The following CATSPERE variants were observed in gnomAD, a reference collection of about 807,000 sequenced individuals.
CATSPERE encodes the protein catsper channel auxiliary subunit epsilon, also known as cation channel sperm-associated auxiliary subunit epsilon.
Under a neutral mutation model 114.1 loss-of-function variants are expected in CATSPERE, and 93 were observed. The ratio of observed to expected loss-of-function variants is 0.81; its 90% CI spans 0.69 to 0.97. The LOEUF is 0.97. Ranked by LOEUF, CATSPERE falls within the 50% of genes least tolerant of loss-of-function variation. The pLI, the probability that CATSPERE is intolerant of heterozygous loss-of-function variation, is 0.00. For synonymous variants in CATSPERE, 341 were observed against 384.1 expected, an observed-to-expected ratio of 0.89 and a Z score of 1.31; for missense variants, 1,058 against 1,131.6, an observed-to-expected ratio of 0.93 and a Z score of 0.93.
intron 1 of CATSPERE, among the ~76,000 whole-genome samples, chr1:244,454,822 G>A (rs891499663): frequency 6.6e-5 from 10 of 152,208 alleles, no homozygotes; most frequent in Admixed American, 3.3e-4. Context: ...AGGATAGAAC[G>A]TGGGTTTAGG....
intron 10 of CATSPERE, among the ~76,000 whole-genome samples, chr1:244,571,962 G>A (rs765703700): frequency 5.3e-5 from 8 of 152,172 alleles, no homozygotes; most frequent in Non-Finnish European, 8.8e-5. Flanking sequence ...CTCATTGGAC[G>A]TTAGGGCTTC....
At chr1:244,625,432 A>ATTTTTTTTTTTTT (rs61325021) in intron 20 of CATSPERE, among the ~76,000 whole-genome samples, 147 of 3,980 alleles carry the variant, frequency 0.037, 47 homozygotes, top group East Asian at 0.08. Flanking sequence ...ATATATATAT[A>ATTTTTTTTTTTTT]TTTTTTTTTT....
chr1:244,609,493 G>T (rs886720224), intron 18 of CATSPERE, among the ~76,000 whole-genome samples: 1 of 151,964 alleles, frequency 6.6e-6, no homozygotes, highest in African/African-American at 2.4e-5. Context: ...CGGGGTTACA[G>T]GTGCACGCCA....
chr1:244,617,658 C>T lies in CATSPERE; in HGVS notation c.2620C>T (p.Arg874Cys), dbSNP rs1247578520. Reference protein sequence around the residue: ...PMGHSGMYVFRVKILDPNYSF... With the variant: ...PMGHSGMYVFCVKILDPNYSF... ...GGGCCATTCTGGAATGTATGTATTTCGTGTGAAGATCCTGGATCCAAACTA... is the reference window on the plus strand; with the variant it reads ...GGGCCATTCTGGAATGTATGTATTTTGTGTGAAGATCCTGGATCCAAACTA... The change falls in exon 20 of 22, where the codon CGT (arginine) becomes TGT (cysteine). Residue 874 changes from arginine (R) to cysteine (C), a missense_variant. Physicochemically the swap from Arg to Cys is radical, Grantham distance 180. Around this residue, in one of 2 missense-constraint regions of CATSPERE, gnomAD observed 787 missense variants for 905.6 expected, o/e 0.87. Transcript: ENST00000366534. The T allele has an allele frequency of 7.1e-6, 11 of 1,540,340 alleles. No individual in the cohort carries two copies. The highest frequency in any genetic ancestry group is 2.5e-5 in the East Asian group (1 of 40,508).
rs973638365 is a variant in CATSPERE, at chr1:244,566,579, T to A, written c.1507+5434T>A. On this transcript the variant is annotated intron_variant, in intron 10 of 21. Transcript: ENST00000366534. ...CATTGATTCCTTTACCATTATGTAA[T>A]GCCCTTCTTTGTCTTTTTTGATCTT... Among the ~76,000 whole-genome samples, 3 of 150,268 alleles carry A rather than the reference T, an allele frequency of 2.0e-5. No individual in the cohort carries two copies. In the Admixed American group the frequency reaches 2.0e-4, roughly 10 times the overall value.
At chr1:244,505,195 G>T (rs867305601) in intron 7 of CATSPERE, among the ~76,000 whole-genome samples, 1 of 151,900 alleles carries the variant, frequency 6.6e-6, no homozygotes, top group Non-Finnish European at 1.5e-5. Context: ...TTTCTTACTG[G>T]CACTATAAGA....
upstream of CATSPERE, chr1:244,457,541 G>C (rs1235295607): frequency 6.6e-6 from 1 of 152,160 alleles, no homozygotes; most frequent in African/African-American, 2.4e-5. Context: ...TTGGCCTCAT[G>C]CTATCTTCAT....
chr1:244,473,601 T>C (rs1668817732), intron 2 of CATSPERE, among the ~76,000 whole-genome samples: 1 of 152,160 alleles, frequency 6.6e-6, no homozygotes, highest in African/African-American at 2.4e-5. Flanking sequence ...CAGAAGTTTT[T>C]AATTTTAATG....
rs187179472 is a variant in CATSPERE at position 244,509,708 on chromosome 1, G to T, written c.430-8884G>T. On this transcript the variant is annotated intron_variant, in intron 7 of 21. Transcript: ENST00000366534. Reference sequence around the variant, plus strand: ...TCAGCAGTAAAGCCATCTGGTCCTGGGCTTTTCTTTTTTGGGAGACATTTT... The same window carrying T: ...TCAGCAGTAAAGCCATCTGGTCCTGTGCTTTTCTTTTTTGGGAGACATTTT... Among the ~76,000 whole-genome samples the T allele has an allele frequency of 5.0e-3, 763 of 152,076 alleles. 7 individuals carry two copies. Among genetic ancestry groups the T allele is most frequent in the African/African-American group, 0.017 (718 of 41,482 alleles).
At chr1:244,543,005 G>A (rs1011130525) in intron 8 of CATSPERE, among the ~76,000 whole-genome samples, 2 of 152,184 alleles carry the variant, frequency 1.3e-5, no homozygotes, top group African/African-American at 2.4e-5. Context: ...TCCCTGGTAC[G>A]TTGTTGTTGG....
rs1662439557 is a variant in CATSPERE at position 244,560,817 on chromosome 1, G to A, written c.1179G>A (p.Arg393=). ...LSVTATLTID[R]VEYTGHPLEI... ...TGACTGCTACTCTGACCATAGACAG[G>A]GTTGAGTATACAGGACACCCTCTGG... Residue 393 remains arginine (R), a synonymous_variant, in exon 10 of 22, where the codon AGG becomes AGA. Transcript: ENST00000366534. The A allele has an allele frequency of 6.2e-7, 1 of 1,613,952 alleles. No homozygotes were observed. Among genetic ancestry groups the A allele is most frequent in the South Asian group, 1.1e-5 (1 of 91,072 alleles).
chr1:244,518,817 A>G (rs575038135), intron 8 of CATSPERE, 119 bp downstream of exon 8: 1 of 532,980 alleles, frequency 1.9e-6, no homozygotes, highest in Admixed American at 3.8e-5. Context: ...CTTCTTTTAT[A>G]AAACATAAAA....
At chr1:244,545,530 CCTTATAGGTAAAT>C (rs1659612719) in intron 8 of CATSPERE, among the ~76,000 whole-genome samples, 1 of 152,088 alleles carries the variant, frequency 6.6e-6, no homozygotes, top group Non-Finnish European at 1.5e-5. Context: ...TTTGGCAGGC[CCTTATAGGTAAAT>C]TGAACCACAC....
chr1:244,458,766 T>C (rs961457194), upstream of CATSPERE, among the ~76,000 whole-genome samples: 2 of 152,250 alleles, frequency 1.3e-5, no homozygotes, highest in African/African-American at 4.8e-5. Flanking sequence ...TATAGTTAAT[T>C]GCATAAGTGC....
At chr1:244,621,165 T>TTA (rs1168519816) in intron 20 of CATSPERE, among the ~76,000 whole-genome samples, 1 of 112,008 alleles carries the variant, frequency 8.9e-6, no homozygotes, top group Non-Finnish European at 1.7e-5. Flanking sequence ...AATATATATA[T>TTA]TATATATAGA....
intron 6 of CATSPERE, among the ~76,000 whole-genome samples, chr1:244,495,347 A>G (rs1264167142): frequency 6.6e-6 from 1 of 152,196 alleles, no homozygotes; most frequent in Non-Finnish European, 1.5e-5. Context: ...TAATGATTTT[A>G]TGGGAATAGG....
intron 2 of CATSPERE, among the ~76,000 whole-genome samples, chr1:244,468,185 C>T (rs1195057682): frequency 2.6e-5 from 4 of 151,830 alleles, no homozygotes; most frequent in South Asian, 2.1e-4. Context: ...CTCTGCCTCC[C>T]AGGTTCAAGC....
At chr1:244,492,376 C>T (rs1672339089) in intron 6 of CATSPERE, among the ~76,000 whole-genome samples, 1 of 151,428 alleles carries the variant, frequency 6.6e-6, no homozygotes, top group Non-Finnish European at 1.5e-5. Context: ...CAGAAAAGGC[C>T]TTTGACAAAA....
chr1:244,582,937 AT>A (rs1468760516), intron 12 of CATSPERE, among the ~76,000 whole-genome samples: 57 of 1,638 alleles, frequency 0.035, 2 homozygotes, highest in African/African-American at 0.079. Flanking sequence ...ATATATATAT[AT>A]ATATATATAT....
Sources: gnomAD v4.1 joint callset for allele counts (sites outside exome capture counted in the v4.1 genomes callset) on GRCh38, gnomAD v4.1.1 for gene constraint, gnomAD v4.1.1 regional missense constraint, MANE v1.5 for transcripts, NCBI Gene and HGNC (gene_info 2026-07-23, HGNC 2026-07-21) for gene names.